The following CADM1 variants were observed in gnomAD, a reference collection of about 807,000 sequenced individuals.
CADM1 encodes cell adhesion molecule 1, also known as TSLC-1.
CADM1 carries 15 observed loss-of-function variants against 53.1 expected under a neutral mutation model. That is an observed-to-expected ratio of 0.28 (90% CI 0.19 to 0.44). The LOEUF is 0.44. Ranked by LOEUF, CADM1 falls within the 20% of genes least tolerant of loss-of-function variation. The probability of loss-of-function intolerance (pLI) is 1.00; values close to 1 mark genes in which losing one functional copy is unlikely to be tolerated. For synonymous variants in CADM1, 281 were observed against 243.0 expected, an observed-to-expected ratio of 1.16 and a Z score of -1.45; for missense variants, 434 against 611.3, an observed-to-expected ratio of 0.71 and a Z score of 3.06.
intron 1 of CADM1, among the ~76,000 whole-genome samples, chr11:115,453,883 C>T (rs1346441153): frequency 6.6e-6 from 1 of 152,144 alleles, no homozygotes; most frequent in Admixed American, 6.6e-5. Flanking sequence ...TCAAGATTAA[C>T]TGACTCAGCT....
At chr11:115,426,721 C>G (rs1304809363) in intron 1 of CADM1, among the ~76,000 whole-genome samples, 2 of 152,040 alleles carry the variant, frequency 1.3e-5, no homozygotes, top group Non-Finnish European at 2.9e-5. Context: ...TTTACCCCCT[C>G]TGGGCCCCTC....
chr11:115,379,441 T>C (rs1006630740), intron 1 of CADM1, among the ~76,000 whole-genome samples: 7 of 152,152 alleles, frequency 4.6e-5, no homozygotes, highest in Admixed American at 2.6e-4. Context: ...GACAATGGAG[T>C]TACATTTTAG....
intron 1 of CADM1, among the ~76,000 whole-genome samples, chr11:115,268,080 G>T (rs1943196866): frequency 6.6e-6 from 1 of 152,208 alleles, no homozygotes; most frequent in Non-Finnish European, 1.5e-5. Context: ...TCTTTACGAA[G>T]AATTGTTTTT....
intron 1 of CADM1, among the ~76,000 whole-genome samples, chr11:115,358,456 C>T (rs1426445813): frequency 6.6e-6 from 1 of 152,092 alleles, no homozygotes; most frequent in Non-Finnish European, 1.5e-5. Context: ...TTTATTAAAA[C>T]CATCAGATCT....
chr11:115,408,699 C>T (rs1947379143), intron 1 of CADM1, among the ~76,000 whole-genome samples: 2 of 152,180 alleles, frequency 1.3e-5, no homozygotes, highest in Non-Finnish European at 2.9e-5. Context: ...GTTAAGACAT[C>T]CATTTCTTAT....
intron 1 of CADM1, among the ~76,000 whole-genome samples, chr11:115,457,550 C>CT (rs1948706630): frequency 6.6e-6 from 1 of 152,112 alleles, no homozygotes; most frequent in Admixed American, 6.6e-5. Context: ...AACCCAGAAC[C>CT]TTTTGTCTTG....
intron 1 of CADM1, among the ~76,000 whole-genome samples, chr11:115,461,565 A>C (rs1948795478): frequency 6.6e-6 from 1 of 152,214 alleles, no homozygotes; most frequent in South Asian, 2.1e-4. Context: ...TTGCACATGA[A>C]GCATGAAAAG....
chr11:115,486,598 G>C (rs1386686515), intron 1 of CADM1, among the ~76,000 whole-genome samples: 2 of 152,074 alleles, frequency 1.3e-5, no homozygotes, highest in African/African-American at 2.4e-5. Context: ...TCCCACCTAG[G>C]CCTCCCAAAA....
At chr11:115,191,224 A>G (rs1939840626) in intron 9 of CADM1, among the ~76,000 whole-genome samples, 1 of 152,242 alleles carries the variant, frequency 6.6e-6, no homozygotes, top group African/African-American at 2.4e-5. Flanking sequence ...GCATGCAAAA[A>G]GAAAATCAAT....
At chr11:115,487,164 T>A (rs1165361100) in intron 1 of CADM1, among the ~76,000 whole-genome samples, 2 of 152,220 alleles carry the variant, frequency 1.3e-5, no homozygotes, top group Non-Finnish European at 2.9e-5. Flanking sequence ...AACCATTTTT[T>A]AAAAAAGTAA....
intron 1 of CADM1, among the ~76,000 whole-genome samples, chr11:115,263,367 G>T (rs1013184771): frequency 6.6e-6 from 1 of 152,174 alleles, no homozygotes; most frequent in Non-Finnish European, 1.5e-5. Flanking sequence ...AACCACCAGA[G>T]GAATTAATAA....
intron 1 of CADM1, among the ~76,000 whole-genome samples, chr11:115,353,171 C>T (rs1474470244): frequency 6.6e-6 from 1 of 152,150 alleles, no homozygotes; most frequent in Non-Finnish European, 1.5e-5. Context: ...GAAATGGGTA[C>T]AGACAGGATT....
chr11:115,496,444 G>A lies in CADM1; in HGVS notation c.124+7827C>T, dbSNP rs559377215. Among the ~76,000 whole-genome samples, 14 of 152,298 alleles carry A rather than the reference G, an allele frequency of 9.2e-5. No homozygotes were observed. In the South Asian group the frequency reaches 2.9e-3, roughly 32 times the overall value. Reference sequence around the variant, plus strand: ...CACTTTCTTCCTCAGTTTCACTGGAGAATCATCAGTCTTCCAGTCCCATCA... The same window carrying A: ...CACTTTCTTCCTCAGTTTCACTGGAAAATCATCAGTCTTCCAGTCCCATCA... On this transcript the variant is annotated intron_variant, in intron 1 of 11. Transcript: ENST00000331581.
In CADM1 at chr11:115,294,232, T is replaced by A. The variant is rs1943986761; in HGVS notation, c.125-53812A>T. Among the ~76,000 whole-genome samples the A allele has an allele frequency of 2.6e-5, 4 of 152,146 alleles. No individual in the cohort carries two copies. The South Asian group carries it at 8.3e-4, about 32-fold the overall frequency. On this transcript the variant is annotated intron_variant, in intron 1 of 11. Transcript: ENST00000331581. ...TTCACAAGGAACCTGGGCTGCCTTC[T>A]CAAGTCATGCATTTGCCAGAGGAGG... is the stretch of plus-strand genomic sequence containing the variant.
chr11:115,491,146 A>C (rs1363773931), intron 1 of CADM1, among the ~76,000 whole-genome samples: 1 of 152,170 alleles, frequency 6.6e-6, no homozygotes, highest in African/African-American at 2.4e-5. Context: ...TTATTGGATA[A>C]GGAGAAGGGT....
At position 115,190,918 on chromosome 11, in the gene CADM1, C is replaced by A. The variant is rs778162315; in HGVS notation, c.1135G>T (p.Ala379Ser). 1.3e-6 allele frequency: 2 copies of A among 1,594,656 alleles called. No homozygotes were observed. Among genetic ancestry groups the A allele is most frequent in the South Asian group, 1.1e-5 (1 of 89,910 alleles). Residue 379 changes from alanine (A) to serine (S), a missense_variant, in exon 10 of 12, where the codon GCA becomes TCA. By Grantham distance (99) the Ala-to-Ser change is moderately conservative (BLOSUM62 1). This residue lies in a region of CADM1 where 311 missense variants were observed against 435.1 expected (regional missense o/e 0.71). Coordinates refer to ENST00000331581, the MANE Select transcript of CADM1 (RefSeq NM_001301043.2). ...VHGLTQLPNS[A>S]EELDSEDLSD... ...AGGTCCTCACTGTCCAGTTCTTCTG[C>A]GGAATTGGGCAACTGAGTAAGGCCT... is the stretch of plus-strand genomic sequence containing the variant.
intron 4 of CADM1, among the ~76,000 whole-genome samples, chr11:115,230,233 C>T (rs955199026): frequency 2.6e-5 from 4 of 152,144 alleles, no homozygotes; most frequent in Non-Finnish European, 5.9e-5. Flanking sequence ...ATATAGATTT[C>T]TATATCCTCT....
chr11:115,183,989 G>A (rs1353940583), intron 10 of CADM1, among the ~76,000 whole-genome samples: 3 of 150,164 alleles, frequency 2.0e-5, no homozygotes, highest in Non-Finnish European at 2.9e-5. Flanking sequence ...TTTCCTGGGT[G>A]GAGATCTTGC....
chr11:115,196,815 T>A (rs1940180865), intron 9 of CADM1, among the ~76,000 whole-genome samples: 1 of 152,066 alleles, frequency 6.6e-6, no homozygotes, highest in South Asian at 2.1e-4. Context: ...AAGAATAGAA[T>A]AAAATCTCTC....
Sources: gnomAD v4.1 joint callset for allele counts (sites outside exome capture counted in the v4.1 genomes callset) on GRCh38, gnomAD v4.1.1 for gene constraint, gnomAD v4.1.1 regional missense constraint, MANE v1.5 for transcripts, NCBI Gene and HGNC (gene_info 2026-07-23, HGNC 2026-07-21) for gene names.